The following SCIN variants were observed in gnomAD, a reference collection of about 807,000 sequenced individuals.
The protein encoded by SCIN is adseverin.
Under a neutral mutation model 91.8 loss-of-function variants are expected in SCIN, and 91 were observed. The observed-to-expected ratio is 0.99, with a 90% confidence interval of 0.84 to 1.18. The LOEUF (loss-of-function observed/expected upper bound fraction) is 1.18. Among genes scored for constraint, SCIN ranks in the 50% most tolerant of loss-of-function variants. The probability of loss-of-function intolerance (pLI) is 0.00; values close to 1 mark genes in which losing one functional copy is unlikely to be tolerated. For synonymous variants in SCIN, 367 were observed against 312.6 expected, an observed-to-expected ratio of 1.17 and a Z score of -1.84; for missense variants, 1,087 against 863.9, an observed-to-expected ratio of 1.26 and a Z score of -3.24.
rs377162853 is a variant in SCIN at position 12,617,452 on chromosome 7, G to A, written c.667-5349G>A. 2.2e-4 allele frequency among the ~76,000 whole-genome samples: 34 copies of A among 152,208 alleles called. No homozygotes were observed. The East Asian group carries it at 2.7e-3, about 12-fold the overall frequency. On this transcript the variant is annotated intron_variant, in intron 4 of 15. Coordinates refer to ENST00000297029, the MANE Select transcript of SCIN (RefSeq NM_001112706.3). Reference sequence around the variant, plus strand: ...AACCCCAAAGGCAAGTTTCGGAAGCGTTCATCCAAGCACTGATCAGACAGA... The same window carrying A: ...AACCCCAAAGGCAAGTTTCGGAAGCATTCATCCAAGCACTGATCAGACAGA...
At chr7:12,576,878 A>T (rs1244846272) in intron 1 of SCIN, among the ~76,000 whole-genome samples, 2 of 152,200 alleles carry the variant, frequency 1.3e-5, no homozygotes, top group Non-Finnish European at 2.9e-5. Context: ...CCATAGGGGT[A>T]GTATAAATGT....
intron 4 of SCIN, among the ~76,000 whole-genome samples, chr7:12,615,846 A>G (rs985345926): frequency 6.6e-6 from 1 of 152,158 alleles, no homozygotes; most frequent in South Asian, 2.1e-4. Flanking sequence ...TGGATTATGT[A>G]GATAAAAAAG....
rs1465736478 is a variant in SCIN at position 12,659,462 on chromosome 7, G to C, written c.*6747G>C. On this transcript the variant is annotated 3_prime_UTR_variant, in exon 16 of 16. Coordinates refer to ENST00000297029, the MANE Select transcript of SCIN (RefSeq NM_001112706.3). ...CTTAACTGGTGATGCCTGAAGTTGG[G>C]ATAAAGAGTCTTCCAAACATGTGCC... is the stretch of plus-strand genomic sequence containing the variant. 1 of 152,166 alleles carries C rather than the reference G, an allele frequency of 6.6e-6. No individual in the cohort carries two copies. Among genetic ancestry groups the C allele is most frequent in the Non-Finnish European group, 1.5e-5 (1 of 68,044 alleles). The allele number at this position is 152,166 out of a possible 1,614,324, so 9.4% of individuals were successfully genotyped here. A position where few individuals can be genotyped will look rare whatever the true frequency, so the allele number is the denominator to read the frequency against.
intron 9 of SCIN, among the ~76,000 whole-genome samples, chr7:12,635,012 C>T (rs1283869076): frequency 6.6e-6 from 1 of 151,564 alleles, no homozygotes; most frequent in African/African-American, 2.4e-5. Flanking sequence ...CGTGGTGAAA[C>T]CCCGTCTCTA....
At chr7:12,594,044 TG>T in intron 3 of SCIN, among the ~76,000 whole-genome samples, 1 of 152,102 alleles carries the variant, frequency 6.6e-6, no homozygotes, top group East Asian at 1.9e-4. Flanking sequence ...GAAAGGGACG[TG>T]GACATGGACG....
In SCIN at chr7:12,593,224, C is replaced by T. The variant is rs925562636; in HGVS notation, c.517-11290C>T. Among the ~76,000 whole-genome samples, 6 of 152,176 alleles carry T rather than the reference C, an allele frequency of 3.9e-5. No individual in the cohort carries two copies. The East Asian group carries it at 1.2e-3, about 29-fold the overall frequency. Reference sequence around the variant, plus strand: ...TTGCTGCTATCAGGTCTTTTGTGCCCTTGGGTACTATGGCTAGACTGACAG... The same window carrying T: ...TTGCTGCTATCAGGTCTTTTGTGCCTTTGGGTACTATGGCTAGACTGACAG... On this transcript the variant is annotated intron_variant, in intron 3 of 15. Coordinates refer to ENST00000297029, the MANE Select transcript of SCIN (RefSeq NM_001112706.3).
intron 13 of SCIN, among the ~76,000 whole-genome samples, chr7:12,647,951 C>G (rs993790720): frequency 6.6e-6 from 1 of 152,138 alleles, no homozygotes; most frequent in Non-Finnish European, 1.5e-5. Context: ...ATGGCCAACG[C>G]CCCAGTCAGC....
At chr7:12,579,849 G>T (rs1782452370) in intron 2 of SCIN, among the ~76,000 whole-genome samples, 1 of 152,184 alleles carries the variant, frequency 6.6e-6, no homozygotes, top group African/African-American at 2.4e-5. Context: ...AGGAGGCAGA[G>T]GTTGCAGTGA....
chr7:12,605,064 G>GT (rs555278062), intron 4 of SCIN, among the ~76,000 whole-genome samples: 279 of 151,678 alleles, frequency 1.8e-3, no homozygotes, highest in South Asian at 3.5e-3. Flanking sequence ...TTTTGTTTTT[G>GT]TTTTTGAGAC....
At chr7:12,598,794 A>G (rs1355326854) in intron 3 of SCIN, among the ~76,000 whole-genome samples, 1 of 151,974 alleles carries the variant, frequency 6.6e-6, no homozygotes, top group East Asian at 1.9e-4. Context: ...CTGTAGTCCT[A>G]CCTACTCAGA....
At chr7:12,634,263 ATCACCTGAGG>A (rs1270184470) in intron 9 of SCIN, among the ~76,000 whole-genome samples, 2 of 152,154 alleles carry the variant, frequency 1.3e-5, no homozygotes, top group African/African-American at 4.8e-5. Flanking sequence ...AGGCAGGTGG[ATCACCTGAGG>A]TCAGGAGTTT....
intron 13 of SCIN, among the ~76,000 whole-genome samples, chr7:12,647,711 A>T (rs1222934623): frequency 6.6e-6 from 1 of 152,230 alleles, no homozygotes; most frequent in Non-Finnish European, 1.5e-5. Context: ...ATATAAACAA[A>T]TCCTTTGCCT....
chr7:12,578,232 T>A lies in SCIN; in HGVS notation c.354+14T>A. ...CTGAAATACAAGGTAAGCAGCTCCCTCAGTTTCCATTATGAATCCCTTTCT... is the reference window on the plus strand; with the variant it reads ...CTGAAATACAAGGTAAGCAGCTCCCACAGTTTCCATTATGAATCCCTTTCT... On this transcript the variant is annotated intron_variant, in intron 2 of 15. Coordinates refer to ENST00000297029, the MANE Select transcript of SCIN (RefSeq NM_001112706.3). The A allele has an allele frequency of 2.6e-6, 4 of 1,539,886 alleles. No individual in the cohort carries two copies. The highest frequency in any genetic ancestry group is 3.5e-6 in the Non-Finnish European group (4 of 1,141,670).
At chr7:12,638,638 A>C (rs1032629442) in intron 10 of SCIN, among the ~76,000 whole-genome samples, 4 of 152,194 alleles carry the variant, frequency 2.6e-5, no homozygotes, top group African/African-American at 9.7e-5. Flanking sequence ...TTAAATAGAG[A>C]GAGGCAAGTT....
At chr7:12,648,295 CTTTT>C (rs35618552) in intron 13 of SCIN, among the ~76,000 whole-genome samples, 1 of 133,620 alleles carries the variant, frequency 7.5e-6, no homozygotes. Context: ...CTCTCTCTCT[CTTTT>C]TTTTTTTTTT....
chr7:12,644,232 G>T lies in SCIN; in HGVS notation c.1676G>T (p.Ser559Ile), dbSNP rs751867844. ...TACATCTGGGTAGGAAAAGGTGCTA[G>T]CCAGGAGGAGGAGAAAGGAGCAGAG... The part of the protein sequence containing the change: ...SGYIWVGKGA[S>I]QEEEKGAEYV... Residue 559 changes from serine to isoleucine, a missense_variant, in exon 12 of 16, where the codon AGC becomes ATC. Physicochemically the swap from Ser to Ile is moderately radical, Grantham distance 142. Transcript: ENST00000297029. 6.2e-7 allele frequency: 1 copy of T among 1,609,914 alleles called. No homozygotes were observed. Among genetic ancestry groups the T allele is most frequent in the South Asian group, 1.1e-5 (1 of 90,108 alleles).
chr7:12,602,627 T>C (rs896777270), intron 3 of SCIN, among the ~76,000 whole-genome samples: 1 of 152,154 alleles, frequency 6.6e-6, no homozygotes, highest in African/African-American at 2.4e-5. Context: ...GGTCTTAATA[T>C]TAATATTCCT....
At chr7:12,608,211 A>G (rs1431486205) in intron 4 of SCIN, among the ~76,000 whole-genome samples, 2 of 152,094 alleles carry the variant, frequency 1.3e-5, no homozygotes, top group Non-Finnish European at 2.9e-5. Context: ...ATTTATTTCC[A>G]TTATAATACT....
At chr7:12,592,174 A>G (rs573310585) in intron 3 of SCIN, among the ~76,000 whole-genome samples, 2 of 152,054 alleles carry the variant, frequency 1.3e-5, no homozygotes, top group African/African-American at 4.8e-5. Flanking sequence ...GGGAAATGGT[A>G]AAGAAGGCAT....
Sources: allele counts gnomAD v4.1 joint callset (sites outside exome capture counted in the v4.1 genomes callset), GRCh38; gene constraint gnomAD v4.1.1; transcripts MANE v1.5; gene names NCBI Gene and HGNC (gene_info 2026-07-23, HGNC 2026-07-21).